The following SUPT5H variants were observed in gnomAD, a reference collection of about 807,000 sequenced individuals.
SUPT5H encodes the protein SPT5 homolog, DSIF elongation factor subunit.
SUPT5H carries 24 observed loss-of-function variants against 142.5 expected under a neutral mutation model. The observed-to-expected ratio is 0.17, with a 90% confidence interval of 0.12 to 0.24. The LOEUF is 0.24. Ranked by LOEUF, SUPT5H falls within the 10% of genes least tolerant of loss-of-function variation. The pLI is 1.00. For synonymous variants in SUPT5H, 546 were observed against 553.0 expected, an observed-to-expected ratio of 0.99 and a Z score of 0.18; for missense variants, 893 against 1,471.8, an observed-to-expected ratio of 0.61 and a Z score of 6.43.
chr19:39,450,477 T>C (rs1172898651), intron 2 of SUPT5H, among the ~76,000 whole-genome samples: 1 of 152,132 alleles, frequency 6.6e-6, no homozygotes, highest in Non-Finnish European at 1.5e-5. Flanking sequence ...CCAGCATGGA[T>C]GATGGCCAGC....
chr19:39,460,796 C>T (rs1362677058), intron 10 of SUPT5H, among the ~76,000 whole-genome samples: 7 of 152,134 alleles, frequency 4.6e-5, no homozygotes, highest in Admixed American at 4.6e-4. Flanking sequence ...GAGCTGTTGT[C>T]AAAGGCTTCA....
Position 39,473,124 on chromosome 19 carries a change from G to A in SUPT5H, c.2258+10G>A, listed in dbSNP as rs1344642843. The A allele has an allele frequency of 6.2e-7, 1 of 1,612,382 alleles. No homozygotes were observed. Among genetic ancestry groups the A allele is most frequent in the Admixed American group, 1.7e-5 (1 of 59,970 alleles). ...AGCGGCTCACCACGGTGTACGGGCG[G>A]GGCCTGGGGAGGGCCAGGGTGGGGC... On this transcript the variant is annotated intron_variant, in intron 23 of 29. Transcript: ENST00000432763. This position sits in a 1 kb window ranked among gnomAD's most constrained non-coding sequence, Gnocchi z 5.8.
At chr19:39,446,883 C>G (rs539765838) in intron 2 of SUPT5H, among the ~76,000 whole-genome samples, 1 of 152,298 alleles carries the variant, frequency 6.6e-6, no homozygotes, top group South Asian at 2.1e-4. Context: ...GTGGCGCCCA[C>G]CTGTAATCCC....
Position 39,453,382 on chromosome 19 carries a change from G to A in SUPT5H, c.102G>A (p.Ala34=), listed in dbSNP as rs747627972. 11 of 1,603,336 alleles carry A rather than the reference G, an allele frequency of 6.9e-6. No homozygotes were observed. The highest frequency in any genetic ancestry group is 8.5e-6 in the Non-Finnish European group (10 of 1,174,404). ...AEVDEERRSA[A]GSEKEEEPED... ...TAGACGAAGAGCGGCGGAGTGCAGCGGGCAGTGAGAAAGAAGAAGAGCCTG... is the reference window on the plus strand; with the variant it reads ...TAGACGAAGAGCGGCGGAGTGCAGCAGGCAGTGAGAAAGAAGAAGAGCCTG... Residue 34 remains alanine, a synonymous_variant, in exon 3 of 30, where the codon GCG becomes GCA. Coordinates refer to ENST00000432763, the MANE Select transcript of SUPT5H (RefSeq NM_001111020.3).
chr19:39,474,313 TACC>T lies in SUPT5H; in HGVS notation c.2736_2738del (p.His912del). 1 of 1,613,876 alleles carries T rather than the reference TACC, an allele frequency of 6.2e-7. No individual in the cohort carries two copies. The highest frequency in any genetic ancestry group is 8.5e-7 in the Non-Finnish European group (1 of 1,179,928). On this transcript the variant is annotated inframe_deletion, in exon 27 of 30. Coordinates refer to ENST00000432763, the MANE Select transcript of SUPT5H (RefSeq NM_001111020.3). This position sits in a 1 kb window ranked among gnomAD's most constrained non-coding sequence, Gnocchi z 6.5. The stretch of plus-strand genomic sequence containing the variant: ...CCAGCCCAGCCCCAGCCCCCAGAGC[TACC>T]ACCAGGTGGCGCCAAGCCCAGCAGG...
intron 3 of SUPT5H, among the ~76,000 whole-genome samples, chr19:39,456,987 C>G (rs1354985059): frequency 6.6e-6 from 1 of 152,218 alleles, no homozygotes; most frequent in Non-Finnish European, 1.5e-5. Flanking sequence ...TACTTACATC[C>G]TCTATGGACA....
chr19:39,475,258 A>G (rs2079387674), intron 28 of SUPT5H: 2 of 150,390 alleles, frequency 1.3e-5, no homozygotes, highest in African/African-American at 4.9e-5. Context: ...AAAGCTGGGC[A>G]TAGTGGCGCA....
At chr19:39,463,385 A>G (rs1364363136) in intron 10 of SUPT5H, among the ~76,000 whole-genome samples, 2 of 152,028 alleles carry the variant, frequency 1.3e-5, no homozygotes, top group African/African-American at 4.8e-5. Flanking sequence ...TTTGGTATCT[A>G]GGAGTGTGTT....
rs181169086 is a variant in SUPT5H, at chr19:39,454,139, C to T, written c.241+618C>T. ...TTGAGATACCTATAGCTGTAATGTG[C>T]TGTGAAAGAGCCAGTGACACAGCTA... On this transcript the variant is annotated intron_variant, in intron 3 of 29. Coordinates refer to ENST00000432763, the MANE Select transcript of SUPT5H (RefSeq NM_001111020.3). Among the ~76,000 whole-genome samples, 293 of 152,266 alleles carry T rather than the reference C, an allele frequency of 1.9e-3. 1 individual carries two copies. The highest frequency in any genetic ancestry group is 6.7e-3 in the African/African-American group (277 of 41,556).
At position 39,458,760 on chromosome 19, in the gene SUPT5H, C is replaced by T. The variant is rs868143992; in HGVS notation, c.320-58C>T. The stretch of plus-strand genomic sequence containing the variant: ...CCTCTTAGCTGCACGCTCCTATTTT[C>T]TCCAGGCCCCTGCCCTCCACCTGCC... On this transcript the variant is annotated intron_variant, in intron 5 of 29. Transcript: ENST00000432763. The surrounding 1 kb of genome is among the most constrained non-coding windows in gnomAD (Gnocchi z 4.2). 1 of 1,517,306 alleles carries T rather than the reference C, an allele frequency of 6.6e-7. No individual in the cohort carries two copies. 94.0% of individuals were successfully genotyped at this position (1,517,306 alleles called of 1,614,324 possible). A position where few individuals can be genotyped will look rare whatever the true frequency, so the allele number is the denominator to read the frequency against.
chr19:39,453,025 AAAAAG>A (rs1258142820), intron 2 of SUPT5H, among the ~76,000 whole-genome samples: 2 of 151,716 alleles, frequency 1.3e-5, no homozygotes, highest in African/African-American at 4.8e-5. Flanking sequence ...AAAAAAAAAA[AAAAAG>A]AGAGAGAAAG....
At chr19:39,471,889 C>G (rs1230580229) in intron 20 of SUPT5H, 159 bp downstream of exon 20, 1 of 1,069,962 alleles carries the variant, frequency 9.3e-7, no homozygotes, top group African/African-American at 1.6e-5. Flanking sequence ...ATTTGGGATT[C>G]TGAGCTGTTC....
At chr19:39,449,892 G>C (rs1215639147) in intron 2 of SUPT5H, among the ~76,000 whole-genome samples, 1 of 151,214 alleles carries the variant, frequency 6.6e-6, no homozygotes, top group African/African-American at 2.4e-5. Flanking sequence ...CGCCTACCTC[G>C]GCCTCCCAAA....
Position 39,469,382 on chromosome 19 carries a change from A to C in SUPT5H, c.1358A>C (p.Lys453Thr). The C allele has an allele frequency of 6.2e-7, 1 of 1,614,256 alleles. No individual in the cohort carries two copies. The highest frequency in any genetic ancestry group is 8.5e-7 in the Non-Finnish European group (1 of 1,180,048). The change falls in exon 16 of 30, where the codon AAG becomes ACG. Residue 453 changes from lysine (K) to threonine (T), a missense_variant. Around this residue, in one of 6 missense-constraint regions of SUPT5H, gnomAD observed 428 missense variants for 763.5 expected, o/e 0.56. Transcript: ENST00000432763. The surrounding 1 kb of genome is among the most constrained non-coding windows in gnomAD (Gnocchi z 5.1). The stretch of plus-strand genomic sequence containing the variant: ...GGCAACAAGATCACCATCATGCCCA[A>C]GCATGAGGACCTCAAGGTGGGTGCC... Reference protein sequence around the residue: ...VDGNKITIMPKHEDLKDMLEF... With the variant: ...VDGNKITIMPTHEDLKDMLEF...
chr19:39,469,826 G>A lies in SUPT5H; in HGVS notation c.1375-293G>A. 1 of 482,912 alleles carries A rather than the reference G, an allele frequency of 2.1e-6. No individual in the cohort carries two copies. The highest frequency in any genetic ancestry group is 3.8e-6 in the Non-Finnish European group (1 of 266,282). 29.9% of individuals were successfully genotyped at this position (482,912 alleles called of 1,614,324 possible). A position where few individuals can be genotyped will look rare whatever the true frequency, so the allele number is the denominator to read the frequency against. On this transcript the variant is annotated intron_variant, in intron 16 of 29. Transcript: ENST00000432763. This position sits in a 1 kb window ranked among gnomAD's most constrained non-coding sequence, Gnocchi z 5.1. ...CCGGGTGGGGCTGAGGAGCTGTCCA[G>A]TCGGGGGTCCTGTGTCTGAGGGGCA...
Position 39,469,089 on chromosome 19 carries a change from G to T in SUPT5H, c.1154G>T (p.Gly385Val). 1 of 1,614,182 alleles carries T rather than the reference G, an allele frequency of 6.2e-7. No homozygotes were observed. Among genetic ancestry groups the T allele is most frequent in the Non-Finnish European group, 8.5e-7 (1 of 1,180,032 alleles). The change falls in exon 15 of 30, where the codon GGT (glycine) becomes GTT (valine). Residue 385 changes from glycine (G) to valine (V), a missense_variant. This residue lies in a region of SUPT5H where 428 missense variants were observed against 763.5 expected (regional missense o/e 0.56). Coordinates refer to ENST00000432763, the MANE Select transcript of SUPT5H (RefSeq NM_001111020.3). This position sits in a 1 kb window ranked among gnomAD's most constrained non-coding sequence, Gnocchi z 5.1. The stretch of plus-strand genomic sequence containing the variant: ...CCGCTGGGGGCTTAGATCACGGAGG[G>T]TGTGAAGCCAACACTCTCTGAGCTG... ...SFAMSAVITEGVKPTLSELEK... is the reference protein window; with the variant it reads ...SFAMSAVITEVVKPTLSELEK...
chr19:39,468,644 G>C (rs2079275684), intron 13 of SUPT5H, 112 bp from the exon 14 acceptor site: 2 of 887,066 alleles, frequency 2.3e-6, no homozygotes, highest in East Asian at 5.1e-5. Context: ...GGATGGGATG[G>C]GTCAGTCTGC....
At chr19:39,449,290 G>T (rs1330122029) in intron 2 of SUPT5H, among the ~76,000 whole-genome samples, 1 of 152,032 alleles carries the variant, frequency 6.6e-6, no homozygotes, top group Non-Finnish European at 1.5e-5. Context: ...GGAGGGAGGA[G>T]CCAGGTTTGG....
At chr19:39,452,614 C>T (rs2079034704) in intron 2 of SUPT5H, among the ~76,000 whole-genome samples, 1 of 152,148 alleles carries the variant, frequency 6.6e-6, no homozygotes, top group African/African-American at 2.4e-5. Context: ...GGCCAGTGAT[C>T]TTCGTGAGCA....
Sources: allele counts gnomAD v4.1 joint callset (sites outside exome capture counted in the v4.1 genomes callset), GRCh38; gene constraint gnomAD v4.1.1; regional missense constraint gnomAD v4.1.1; non-coding constraint Gnocchi (gnomAD v3.1); transcripts MANE v1.5; gene names NCBI Gene and HGNC (gene_info 2026-07-23, HGNC 2026-07-21).